Variants in FRY observed in about 807,000 individuals in gnomAD.
FRY encodes FRY microtubule binding protein, also known as protein furry homolog.
Under a neutral mutation model 348.4 loss-of-function variants are expected in FRY, and 128 were observed. The ratio of observed to expected loss-of-function variants is 0.37; its 90% CI spans 0.32 to 0.43. FRY has a LOEUF of 0.43. Ranked by LOEUF, FRY falls within the 20% of genes least tolerant of loss-of-function variation. The pLI is 1.00. For missense variants in FRY, 2,736 were observed against 3,695.2 expected (o/e 0.74, Z 6.73); for synonymous variants, 1,370 against 1,374.7 (o/e 1.00, Z 0.08).
intron 51 of FRY, chr13:32,258,115 T>C: frequency 1.4e-6 from 1 of 696,106 alleles, no homozygotes; most frequent in Non-Finnish European, 2.6e-6. Flanking sequence ...GTGTGTGATA[T>C]AAGAGGTATT....
chr13:32,064,565 A>G (rs968408024), intron 1 of FRY, among the ~76,000 whole-genome samples: 1 of 152,132 alleles, frequency 6.6e-6, no homozygotes, highest in East Asian at 1.9e-4. Flanking sequence ...ATAGCCCAAT[A>G]CCCCAAGTAC....
At chr13:32,034,077 C>T (rs902823799) in intron 1 of FRY, among the ~76,000 whole-genome samples, 2 of 152,202 alleles carry the variant, frequency 1.3e-5, no homozygotes, top group African/African-American at 4.8e-5. Context: ...TGCCTGGCCT[C>T]ACAAGTTTGA....
chr13:32,121,928 C>T (rs1228496651), intron 4 of FRY, among the ~76,000 whole-genome samples: 1 of 152,100 alleles, frequency 6.6e-6, no homozygotes, highest in African/African-American at 2.4e-5. Flanking sequence ...GGTTTAAGTC[C>T]TTAATCCATC....
chr13:32,074,909 G>T (rs1166932293), intron 1 of FRY, among the ~76,000 whole-genome samples: 1 of 152,180 alleles, frequency 6.6e-6, no homozygotes, highest in African/African-American at 2.4e-5. Context: ...AAGCCAGGTG[G>T]AGGAGACCAT....
intron 7 of FRY, 44 bp from the exon 8 acceptor site, chr13:32,131,628 T>C (rs1392624887): frequency 6.7e-7 from 1 of 1,495,838 alleles, no homozygotes; most frequent in Non-Finnish European, 9.3e-7. Flanking sequence ...TTACAGGGAC[T>C]TTCCTACCCA....
intron 11 of FRY, among the ~76,000 whole-genome samples, chr13:32,140,642 A>C (rs911126120): frequency 3.3e-5 from 5 of 152,164 alleles, no homozygotes; most frequent in African/African-American, 1.2e-4. Flanking sequence ...AACCTAATAG[A>C]TATTAGGATT....
At chr13:32,163,918 C>A (rs1384008156) in intron 17 of FRY, among the ~76,000 whole-genome samples, 1 of 151,966 alleles carries the variant, frequency 6.6e-6, no homozygotes, top group Admixed American at 6.6e-5. Context: ...GGGAACAGAA[C>A]AAATAAATAT....
intron 55 of FRY, 73 bp downstream of exon 55, chr13:32,267,432 G>C: frequency 7.6e-7 from 1 of 1,316,264 alleles, no homozygotes; most frequent in Non-Finnish European, 1.1e-6. Context: ...TTTAAGGAGA[G>C]GTTGTTCTTC....
At chr13:32,122,253 C>A (rs1489380381) in intron 4 of FRY, among the ~76,000 whole-genome samples, 6 of 151,988 alleles carry the variant, frequency 3.9e-5, no homozygotes, top group Non-Finnish European at 8.8e-5. Flanking sequence ...ACCATCCTGG[C>A]TAACACAGTG....
intron 1 of FRY, among the ~76,000 whole-genome samples, chr13:32,038,028 G>C (rs1872605876): frequency 6.6e-6 from 1 of 152,156 alleles, no homozygotes; most frequent in African/African-American, 2.4e-5. Flanking sequence ...TTAGTGCTTT[G>C]TAGTTTGCTC....
chr13:32,097,450 C>G (rs1300391867), intron 2 of FRY, among the ~76,000 whole-genome samples: 1 of 151,014 alleles, frequency 6.6e-6, no homozygotes, highest in East Asian at 1.9e-4. Flanking sequence ...CAACCTCCAC[C>G]TCCTGGTTCA....
At chr13:32,040,166 T>G (rs1872695674) in intron 1 of FRY, among the ~76,000 whole-genome samples, 1 of 152,218 alleles carries the variant, frequency 6.6e-6, no homozygotes. Flanking sequence ...AGGGCAATAC[T>G]TTGGTAAAAT....
chr13:32,162,720 G>A (rs1881520906), intron 17 of FRY, among the ~76,000 whole-genome samples: 1 of 152,002 alleles, frequency 6.6e-6, no homozygotes, highest in Admixed American at 6.6e-5. Flanking sequence ...CCACCTTCTG[G>A]CTGCCAATGT....
intron 1 of FRY, among the ~76,000 whole-genome samples, chr13:32,037,053 C>A (rs397832251): frequency 7.3e-6 from 1 of 137,648 alleles, no homozygotes; most frequent in African/African-American, 3.1e-5. Context: ...CACACACACA[C>A]ACACAAACAC....
At chr13:32,290,859 C>T (rs891015666) in intron 59 of FRY, among the ~76,000 whole-genome samples, 1 of 151,928 alleles carries the variant, frequency 6.6e-6, no homozygotes, top group African/African-American at 2.4e-5. Flanking sequence ...GAGGATGAGA[C>T]TCAGGTTCCA....
chr13:32,032,495 C>A (rs1191953092), intron 1 of FRY, among the ~76,000 whole-genome samples: 1 of 152,104 alleles, frequency 6.6e-6, no homozygotes, highest in Non-Finnish European at 1.5e-5. Flanking sequence ...TTGCTATAGT[C>A]CAAATATTGT....
At chr13:32,179,545 C>G in intron 22 of FRY, 130 bp from the exon 23 acceptor site, 1 of 316,302 alleles carries the variant, frequency 3.2e-6, no homozygotes, top group African/African-American at 5.0e-5. Context: ...GTGTGTGTTT[C>G]CTGAAATGAT....
chr13:32,064,331 A>G (rs1432778023), intron 1 of FRY, among the ~76,000 whole-genome samples: 1 of 151,484 alleles, frequency 6.6e-6, no homozygotes, highest in African/African-American at 2.4e-5. Context: ...TGTCTCTATC[A>G]ACAGTTATTT....
In FRY at chr13:32,212,207, C is replaced by A. The variant is rs764436847; in HGVS notation, c.4592-85C>A. ...CCAAACATAAGAATTTACAGGAAAT[C>A]TTTCCCTGGAATTACTTGAGACTTG... On this transcript the variant is annotated intron_variant, in intron 34 of 60. Transcript: ENST00000542859. The A allele has an allele frequency of 4.8e-5, 37 of 767,174 alleles. No individual in the cohort carries two copies. In the Middle Eastern group the frequency reaches 2.0e-3, roughly 42 times the overall value. The allele number at this position is 767,174 out of a possible 1,614,324, so 47.5% of individuals were successfully genotyped here.
Sources: allele counts gnomAD v4.1 joint callset (sites outside exome capture counted in the v4.1 genomes callset), GRCh38; gene constraint gnomAD v4.1.1; transcripts MANE v1.5; gene names NCBI Gene and HGNC (gene_info 2026-07-23, HGNC 2026-07-21).